The following GATA4 variants were observed in gnomAD, a reference collection of about 807,000 sequenced individuals.
GATA4 encodes the protein GATA binding protein 4.
GATA4 carries 7 observed loss-of-function variants against 37.9 expected under a neutral mutation model. That is an observed-to-expected ratio of 0.18 (90% CI 0.11 to 0.35). The LOEUF (loss-of-function observed/expected upper bound fraction) is 0.35, where lower values mean the gene tolerates loss of function less well. GATA4 is among the 10% of genes least tolerant of loss of function. GATA4 has a pLI of 1.00. For synonymous variants in GATA4, 372 were observed against 292.6 expected (o/e 1.27, Z -2.77); for missense variants, 647 against 653.0 (o/e 0.99, Z 0.10).
chr8:11,726,220 G>T (rs982611839), intron 2 of GATA4, among the ~76,000 whole-genome samples: 1 of 152,176 alleles, frequency 6.6e-6, no homozygotes, highest in Admixed American at 6.5e-5. Context: ...TCTTCGGCGG[G>T]AGCGGAGCCA....
At chr8:11,731,281 C>T (rs539298728) in intron 2 of GATA4, among the ~76,000 whole-genome samples, 42 of 152,196 alleles carry the variant, frequency 2.8e-4, no homozygotes, top group Non-Finnish European at 4.4e-4. Context: ...TAAAAATGAG[C>T]GCATTATTGA....
rs766466946 is a variant in GATA4, at chr8:11,708,356, C to G, written c.44C>G (p.Pro15Arg). The G allele has an allele frequency of 1.3e-6, 2 of 1,581,612 alleles. No homozygotes were observed. The highest frequency in any genetic ancestry group is 1.7e-6 in the Non-Finnish European group (2 of 1,171,912). The stretch of plus-strand genomic sequence containing the variant: ...ATGGCCGCCAACCACGGGCCGCCCC[C>G]CGGTGCCTACGAGGCGGGCGGCCCC... Reference protein sequence around the residue: ...LAMAANHGPPPGAYEAGGPGA... With the variant: ...LAMAANHGPPRGAYEAGGPGA... Residue 15 changes from proline to arginine, a missense_variant, in exon 2 of 7, where the codon CCC (proline) becomes CGC (arginine). Pro to Arg is a moderately radical substitution (Grantham distance 103, BLOSUM62 -2). Transcript: ENST00000532059. The surrounding 1 kb of genome is among the most constrained non-coding windows in gnomAD (Gnocchi z 6.7).
In GATA4 at chr8:11,680,706, C is replaced by T. The variant is rs779535286; in HGVS notation, c.-274+3643C>T. The T allele has an allele frequency of 1.7e-4, 163 of 985,246 alleles. 1 individual carries two copies. Among genetic ancestry groups the T allele is most frequent in the Middle Eastern group, 5.2e-4 (1 of 1,936 alleles). 61.0% of individuals were successfully genotyped at this position (985,246 alleles called of 1,614,324 possible). On this transcript the variant is annotated intron_variant, in intron 1 of 6. Coordinates refer to the GATA4 transcript ENST00000528712. ...CCCCCCTTGGGGAGACCGGAATCCT[C>T]CAGCCGCTGCGCACGGATACCCTGG...
intron 1 of GATA4, among the ~76,000 whole-genome samples, chr8:11,685,040 C>G (rs1030381044): frequency 6.6e-6 from 1 of 152,140 alleles, no homozygotes; most frequent in South Asian, 2.1e-4. Flanking sequence ...CAGAGATTCA[C>G]AAGATGCTTT....
chr8:11,742,417 A>G (rs1322205699), intron 2 of GATA4, among the ~76,000 whole-genome samples: 1 of 135,970 alleles, frequency 7.4e-6, no homozygotes, highest in Non-Finnish European at 1.6e-5. Flanking sequence ...TCCCTTTCAC[A>G]ATGTCCTTGC....
intron 2 of GATA4, among the ~76,000 whole-genome samples, chr8:11,742,230 C>T (rs1323103165): frequency 6.6e-6 from 1 of 152,120 alleles, no homozygotes; most frequent in African/African-American, 2.4e-5. Flanking sequence ...GTGTGGTTGC[C>T]TGTTACAGCC....
intron 1 of GATA4, chr8:11,692,840 C>T (rs1194495894): frequency 2.0e-6 from 2 of 980,722 alleles, no homozygotes; most frequent in Non-Finnish European, 2.4e-6. Context: ...GCGGGGGCGG[C>T]CGGCCGGGGG....
intron 6 of GATA4, among the ~76,000 whole-genome samples, chr8:11,757,855 C>G (rs187321275): frequency 6.6e-6 from 1 of 152,352 alleles, no homozygotes; most frequent in East Asian, 1.9e-4. Context: ...CGTCTCTGCT[C>G]TTAACTGAAG....
chr8:11,693,529 A>G, intron 1 of GATA4, among the ~76,000 whole-genome samples: 1 of 38,710 alleles, frequency 2.6e-5, no homozygotes, highest in Admixed American at 2.6e-4. Flanking sequence ...ACAAACACAC[A>G]CACACACACA....
intron 1 of GATA4, among the ~76,000 whole-genome samples, chr8:11,698,273 C>G (rs539333035): frequency 6.6e-6 from 1 of 152,214 alleles, no homozygotes; most frequent in African/African-American, 2.4e-5. Context: ...ATTTGACTTA[C>G]TTATTGTCCG....
At chr8:11,722,746 A>C (rs1800734644) in intron 2 of GATA4, among the ~76,000 whole-genome samples, 1 of 152,166 alleles carries the variant, frequency 6.6e-6, no homozygotes, top group Admixed American at 6.5e-5. Context: ...ACTCAGATTC[A>C]AGTTTGTGAT....
intron 2 of GATA4, among the ~76,000 whole-genome samples, chr8:11,713,017 T>A (rs1800268048): frequency 6.6e-6 from 1 of 152,190 alleles, no homozygotes; most frequent in African/African-American, 2.4e-5. Context: ...ACTCAGAAAC[T>A]GTTTTTAATT....
chr8:11,757,920 C>A (rs991244444), intron 6 of GATA4, among the ~76,000 whole-genome samples: 1 of 152,214 alleles, frequency 6.6e-6, no homozygotes, highest in Admixed American at 6.5e-5. Flanking sequence ...TCCCACAGAA[C>A]CAGGGGCACC....
chr8:11,686,254 C>T (rs2129953381), intron 1 of GATA4, among the ~76,000 whole-genome samples: 1 of 150,438 alleles, frequency 6.6e-6, no homozygotes, highest in African/African-American at 2.5e-5. Context: ...ACATCCCAGT[C>T]AACAGAAGAT....
In GATA4 at chr8:11,749,521, T is replaced by C. The variant is rs1380544185; in HGVS notation, c.786+436T>C. Among the ~76,000 whole-genome samples the C allele has an allele frequency of 6.6e-6, 1 of 152,160 alleles. No homozygotes were observed. Among genetic ancestry groups the C allele is most frequent in the African/African-American group, 2.4e-5 (1 of 41,440 alleles). ...GTTGATAAATCCCAAAGCCCAGAAGTGCAAGCAGCTTGTGTTGGGCCCCGT... is the reference window on the plus strand; with the variant it reads ...GTTGATAAATCCCAAAGCCCAGAAGCGCAAGCAGCTTGTGTTGGGCCCCGT... On this transcript the variant is annotated intron_variant, in intron 3 of 6. Transcript: ENST00000532059. This position sits in a 1 kb window ranked among gnomAD's most constrained non-coding sequence, Gnocchi z 4.6.
intron 2 of GATA4, among the ~76,000 whole-genome samples, chr8:11,724,692 A>C (rs1800832662): frequency 6.6e-6 from 1 of 151,914 alleles, no homozygotes; most frequent in Non-Finnish European, 1.5e-5. Context: ...TGAATAAATA[A>C]GTGCCTTAGG....
upstream of GATA4, chr8:11,692,097 G>A (rs1294603818): frequency 1.0e-6 from 1 of 975,258 alleles, no homozygotes; most frequent in Non-Finnish European, 1.2e-6. Context: ...AAGGTGACAG[G>A]TGAGGCAGGC....
At chr8:11,720,052 A>C (rs1800600061) in intron 2 of GATA4, among the ~76,000 whole-genome samples, 1 of 151,946 alleles carries the variant, frequency 6.6e-6, no homozygotes, top group Admixed American at 6.6e-5. Context: ...CAGCAGCCGC[A>C]GGGAGGTGAA....
At chr8:11,703,170 G>A (rs978606191), upstream of GATA4, among the ~76,000 whole-genome samples, 1 of 151,316 alleles carries the variant, frequency 6.6e-6, no homozygotes, top group Non-Finnish European at 1.5e-5. Flanking sequence ...AGAGAAAAAC[G>A]CGGCCTTAAA....
Sources: gnomAD v4.1 joint callset for allele counts (sites outside exome capture counted in the v4.1 genomes callset) on GRCh38, gnomAD v4.1.1 for gene constraint, Gnocchi (gnomAD v3.1) non-coding constraint, MANE v1.5 for transcripts, NCBI Gene and HGNC (gene_info 2026-07-23, HGNC 2026-07-21) for gene names.